Variants in CENPT observed in about 807,000 individuals in gnomAD.
CENPT encodes the protein centromere protein T.
CENPT carries 42 observed loss-of-function variants against 59.7 expected under a neutral mutation model. The ratio of observed to expected loss-of-function variants is 0.70; its 90% CI spans 0.55 to 0.91. The LOEUF (loss-of-function observed/expected upper bound fraction) is 0.91. CENPT is among the 40% of genes least tolerant of loss of function. CENPT has a pLI of 0.00. For missense variants in CENPT, 716 were observed against 713.4 expected (o/e 1.00, Z -0.04); for synonymous variants, 295 against 289.6 (o/e 1.02, Z -0.19).
chr16:67,829,366 C>G, intron 13 of CENPT, 57 bp downstream of exon 13: 1 of 1,383,208 alleles, frequency 7.2e-7, no homozygotes, highest in South Asian at 1.3e-5. Flanking sequence ...ATGTACACAG[C>G]ATACCCAATG....
rs903696623 is a variant in CENPT at position 67,832,053 on chromosome 16, C to T, written c.345G>A (p.Pro115=). Residue 115 remains proline, a synonymous_variant, in exon 7 of 16, where the codon CCG becomes CCA. Coordinates refer to ENST00000562787, the MANE Select transcript of CENPT (RefSeq NM_025082.4). ...PESVVKPVPA[P]QAVQPSRQES... ...CTTGTCTGGAGGGTTGGACCGCCTG[C>T]GGTGCTGGCACTGGCTTCACTACCG... 4.3e-6 allele frequency: 7 copies of T among 1,611,030 alleles called. No homozygotes were observed. Among genetic ancestry groups the T allele is most frequent in the Admixed American group, 1.7e-5 (1 of 59,742 alleles).
Position 67,843,863 on chromosome 16 carries a change from C to G in CENPT, c.-492+3538G>C. 1 of 226,922 alleles carries G rather than the reference C, an allele frequency of 4.4e-6. No homozygotes were observed. 14.1% of individuals were successfully genotyped at this position (226,922 alleles called of 1,614,324 possible). A position where few individuals can be genotyped will look rare whatever the true frequency, so the allele number is the denominator to read the frequency against. ...GGGAAAACCATACCTTAAGGTTGGT[C>G]AGCAGTCAGACAACTCTAATGTGTG... is the stretch of plus-strand genomic sequence containing the variant. On this transcript the variant is annotated intron_variant, in intron 1 of 15. Coordinates refer to ENST00000562787, the MANE Select transcript of CENPT (RefSeq NM_025082.4). This position sits in a 1 kb window ranked among gnomAD's most constrained non-coding sequence, Gnocchi z 5.7.
In CENPT at chr16:67,843,733, C is replaced by G; in HGVS notation, c.-492+3668G>C. 3 of 493,914 alleles carry G rather than the reference C, an allele frequency of 6.1e-6. 1 individual carries two copies. The highest frequency in any genetic ancestry group is 6.7e-5 in the South Asian group (2 of 29,806). The allele number at this position is 493,914 out of a possible 1,614,324, so 30.6% of individuals were successfully genotyped here. On this transcript the variant is annotated intron_variant, in intron 1 of 15. Transcript: ENST00000562787. This position sits in a 1 kb window ranked among gnomAD's most constrained non-coding sequence, Gnocchi z 5.7. Reference sequence around the variant, plus strand: ...AATTATGACTTTGTCTACCCTTCCTCCCCAGTTATTGTTGCAGATTCTGGT... The same window carrying G: ...AATTATGACTTTGTCTACCCTTCCTGCCCAGTTATTGTTGCAGATTCTGGT...
intron 12 of CENPT, 71 bp from the exon 13 acceptor site, chr16:67,829,587 G>A: frequency 6.9e-7 from 1 of 1,443,076 alleles, no homozygotes; most frequent in Non-Finnish European, 9.5e-7. Context: ...CACAGCCACA[G>A]TATTTCTGTC....
chr16:67,828,234 G>A lies in CENPT; in HGVS notation c.*33C>T, dbSNP rs118040247. The A allele has an allele frequency of 6.5e-7, 1 of 1,550,210 alleles. No individual in the cohort carries two copies. The highest frequency in any genetic ancestry group is 8.7e-7 in the Non-Finnish European group (1 of 1,147,062). ...AAATATGTGGGGGCAAGAGTCCCCA[G>A]GTGGGGACAGGGAAAGTGTTGAAGC... On this transcript the variant is annotated 3_prime_UTR_variant, in exon 16 of 16. Transcript: ENST00000562787.
chr16:67,840,931 G>A (rs1191690737), intron 1 of CENPT, among the ~76,000 whole-genome samples: 1 of 150,350 alleles, frequency 6.7e-6, no homozygotes, highest in Non-Finnish European at 1.5e-5. Flanking sequence ...AGGCCGAGGC[G>A]AGCAGATTGC....
rs2057642361 is a variant in CENPT at position 67,828,854 on chromosome 16, C to T, written c.1281-11G>A. ...GGCTCTGAAGATAAGCTGAGGGCAA[C>T]AGTGGACAGAGGGGGCTGAACTTGC... On this transcript the variant is annotated splice_polypyrimidine_tract_variant and intron_variant, in intron 13 of 15. Coordinates refer to ENST00000562787, the MANE Select transcript of CENPT (RefSeq NM_025082.4). 2 of 1,572,010 alleles carry T rather than the reference C, an allele frequency of 1.3e-6. No homozygotes were observed. The highest frequency in any genetic ancestry group is 1.4e-5 in the African/African-American group (1 of 72,232).
chr16:67,840,158 T>C (rs1035664542), intron 1 of CENPT, among the ~76,000 whole-genome samples: 17 of 149,820 alleles, frequency 1.1e-4, no homozygotes, highest in African/African-American at 4.2e-4. Context: ...TTACTAAAAA[T>C]ACAAAAAAAA....
intron 4 of CENPT, 98 bp downstream of exon 4, chr16:67,833,652 A>G: frequency 1.5e-6 from 1 of 686,534 alleles, no homozygotes; most frequent in South Asian, 2.4e-5. Context: ...TCTGAGACTC[A>G]GTTTTCCTCT....
chr16:67,833,137 C>T (rs1169197964), intron 4 of CENPT, among the ~76,000 whole-genome samples: 1 of 152,192 alleles, frequency 6.6e-6, no homozygotes, highest in Non-Finnish European at 1.5e-5. Context: ...CATGAGCTCA[C>T]CACAGCCCTC....
Position 67,832,486 on chromosome 16 carries a change from G to A in CENPT, c.170C>T (p.Thr57Met), listed in dbSNP as rs779684299. 4.0e-5 allele frequency: 65 copies of A among 1,614,030 alleles called. No homozygotes were observed. The highest frequency in any genetic ancestry group is 4.7e-5 in the Non-Finnish European group (56 of 1,180,042). ...TCCATGGGAACGCCCTCTGGCTATC[G>A]TCCTTGTTTGGCCACTCAACTTCCT... Reference protein sequence around the residue: ...SPRKLSGQTRTIARGRSHGAR... With the variant: ...SPRKLSGQTRMIARGRSHGAR... Residue 57 changes from threonine (T) to methionine (M), a missense_variant, in exon 5 of 16, where the codon ACG (threonine) becomes ATG (methionine). Transcript: ENST00000562787.
chr16:67,845,230 C>T (rs760855513), intron 1 of CENPT, among the ~76,000 whole-genome samples: 24 of 152,150 alleles, frequency 1.6e-4, no homozygotes, highest in Non-Finnish European at 2.5e-4. Context: ...GGGGCACAAA[C>T]GGAGACTTTC....
chr16:67,833,836 G>T lies in CENPT; in HGVS notation c.24C>A (p.Ser8Arg), dbSNP rs11558534. MADHNPDSDSTPRTLLRR... is the reference protein window; with the variant it reads MADHNPDRDSTPRTLLRR... ...GCAGCAGCGTGCGCGGCGTGGAGTCGCTGTCAGGGTTGTGGTCAGCCATCG... is the reference window on the plus strand; with the variant it reads ...GCAGCAGCGTGCGCGGCGTGGAGTCTCTGTCAGGGTTGTGGTCAGCCATCG... Residue 8 changes from serine to arginine, a missense_variant, in exon 4 of 16, where the codon AGC becomes AGA. Physicochemically the swap from Ser to Arg is moderately radical, Grantham distance 110 (BLOSUM62 -1). Transcript: ENST00000562787. The T allele has an allele frequency of 0.037, 57,824 of 1,568,330 alleles. 1,273 individuals carry two copies. The highest frequency in any genetic ancestry group is 0.1 in the Middle Eastern group (597 of 5,912).
At position 67,842,080 on chromosome 16, in the gene CENPT, C is replaced by G. The variant is rs1383520606; in HGVS notation, c.-492+5321G>C. The G allele has an allele frequency of 1.3e-5, 2 of 152,424 alleles. No homozygotes were observed. The highest frequency in any genetic ancestry group is 3.8e-4 in the East Asian group (2 of 5,204). 9.4% of individuals were successfully genotyped at this position (152,424 alleles called of 1,614,324 possible). ...GCGCGCACCGCCCCGCTCCACGCCC[C>G]TATCAGGATTCGGGTCCTCGTGAGG... On this transcript the variant is annotated intron_variant, in intron 1 of 15. Coordinates refer to ENST00000562787, the MANE Select transcript of CENPT (RefSeq NM_025082.4). The surrounding 1 kb of genome is among the most constrained non-coding windows in gnomAD (Gnocchi z 4.9).
chr16:67,830,242 GC>G, intron 11 of CENPT, 147 bp downstream of exon 11: 1 of 1,237,912 alleles, frequency 8.1e-7, no homozygotes. Flanking sequence ...AAGTCTCCTG[GC>G]CCAACATGGA....
intron 1 of CENPT, among the ~76,000 whole-genome samples, chr16:67,835,881 T>A (rs2057732299): frequency 6.6e-6 from 1 of 150,926 alleles, no homozygotes; most frequent in Non-Finnish European, 1.5e-5. Context: ...CTCAGCCTCC[T>A]GAGCAGCTGG....
chr16:67,846,561 G>A (rs2057800427), intron 1 of CENPT, among the ~76,000 whole-genome samples: 4 of 152,254 alleles, frequency 2.6e-5, no homozygotes, highest in Admixed American at 2.6e-4. Context: ...AGGGGCAGCT[G>A]GGCCAGCTTG....
intron 9 of CENPT, 36 bp from the exon 10 acceptor site, chr16:67,831,394 A>T (rs918040235): frequency 6.2e-7 from 1 of 1,604,114 alleles, no homozygotes; most frequent in African/African-American, 1.3e-5. Context: ...AAAGTCAGGT[A>T]CCTGAGACCC....
At chr16:67,839,671 G>T (rs1406066928) in intron 1 of CENPT, among the ~76,000 whole-genome samples, 1 of 152,018 alleles carries the variant, frequency 6.6e-6, no homozygotes, top group African/African-American at 2.4e-5. Context: ...TCAGGAGTGG[G>T]AGACCAGCCA....
Sources: gnomAD v4.1 joint callset for allele counts (sites outside exome capture counted in the v4.1 genomes callset) on GRCh38, gnomAD v4.1.1 for gene constraint, Gnocchi (gnomAD v3.1) non-coding constraint, MANE v1.5 for transcripts, NCBI Gene and HGNC (gene_info 2026-07-23, HGNC 2026-07-21) for gene names.